The following CRYM variants were observed in gnomAD, a reference collection of about 807,000 sequenced individuals.
CRYM encodes the protein ketimine reductase mu-crystallin.
A neutral mutation model predicts 32.9 loss-of-function variants in CRYM; 18 were observed. The ratio of observed to expected loss-of-function variants is 0.55; its 90% CI spans 0.38 to 0.81. The LOEUF (loss-of-function observed/expected upper bound fraction) is 0.81. Ranked by LOEUF, CRYM falls within the 30% of genes least tolerant of loss-of-function variation. CRYM has a pLI of 0.00. For synonymous variants in CRYM, 153 were observed against 152.4 expected, an observed-to-expected ratio of 1.00 and a Z score of -0.03; for missense variants, 337 against 393.5, an observed-to-expected ratio of 0.86 and a Z score of 1.21.
chr16:21,267,440 A>AGCT, intron 5 of CRYM, 114 bp downstream of exon 5: 1 of 1,139,734 alleles, frequency 8.8e-7, no homozygotes, highest in Non-Finnish European at 1.3e-6. Context: ...AAGGCCCTTA[A>AGCT]ATAGCTTGGG....
intron 1 of CRYM, among the ~76,000 whole-genome samples, chr16:21,299,096 G>A (rs1039378363): frequency 2.6e-5 from 4 of 152,094 alleles, no homozygotes; most frequent in Admixed American, 1.3e-4. Context: ...TGTTTCACAC[G>A]TGAGGCTATT....
At chr16:21,281,262 AT>A (rs916081823), upstream of CRYM, among the ~76,000 whole-genome samples, 29 of 149,340 alleles carry the variant, frequency 1.9e-4, no homozygotes, top group African/African-American at 4.7e-4. Flanking sequence ...ATATATATAA[AT>A]TTTTTTTTTG....
chr16:21,282,972 AAG>A (rs72266993), upstream of CRYM, among the ~76,000 whole-genome samples: 2,422 of 152,230 alleles, frequency 0.016, 86 homozygotes, highest in East Asian at 0.078. Flanking sequence ...ACTTAACAGA[AAG>A]AAGATTAATA....
chr16:21,273,403 G>C (rs1203395765), intron 3 of CRYM, among the ~76,000 whole-genome samples: 1 of 152,182 alleles, frequency 6.6e-6, no homozygotes. Context: ...ACTTTGAAGT[G>C]TCTAAACTTT....
At chr16:21,287,691 C>T (rs2093409762) in intron 1 of CRYM, among the ~76,000 whole-genome samples, 1 of 152,226 alleles carries the variant, frequency 6.6e-6, no homozygotes, top group African/African-American at 2.4e-5. Context: ...ACAATGAGAT[C>T]TGGAGAGCTT....
chr16:21,272,336 C>T (rs932036130), intron 3 of CRYM, among the ~76,000 whole-genome samples: 1 of 152,138 alleles, frequency 6.6e-6, no homozygotes, highest in African/African-American at 2.4e-5. Flanking sequence ...TGGTCTGGCC[C>T]TCCTATCTCT....
chr16:21,278,212 C>A lies in CRYM; in HGVS notation c.40G>T (p.Glu14Ter), dbSNP rs865934033. The A allele has an allele frequency of 3.2e-6, 5 of 1,565,800 alleles. No individual in the cohort carries two copies. Among genetic ancestry groups the A allele is most frequent in the Non-Finnish European group, 3.5e-6 (4 of 1,157,284 alleles). ...VPAFLSAAEVEEHLRSSSLLI... is the reference protein window; with the variant it reads ...VPAFLSAAEV ...AGGCTGGAGCTGCGGAGGTGTTCCTCCACCTCGGCCGCGCTCAGGAACGCT... is the reference window on the plus strand; with the variant it reads ...AGGCTGGAGCTGCGGAGGTGTTCCTACACCTCGGCCGCGCTCAGGAACGCT... The change falls in exon 1 of 8, where the codon GAG becomes TAG. Residue 14 changes from glutamate (E) to a stop codon, truncating the protein, a stop_gained. Transcript: ENST00000572914. LOFTEE classifies it high-confidence loss of function.
intron 4 of CRYM, 63 bp from the exon 5 acceptor site, chr16:21,267,800 C>G: frequency 6.5e-7 from 1 of 1,547,874 alleles, no homozygotes. Context: ...TTACACTGAG[C>G]CCAGGGATGC....
chr16:21,294,213 C>T (rs143286457), intron 1 of CRYM, among the ~76,000 whole-genome samples: 1 of 152,330 alleles, frequency 6.6e-6, no homozygotes, highest in East Asian at 1.9e-4. Context: ...CACGCCCTTG[C>T]CCCTCTCCCT....
intron 1 of CRYM, among the ~76,000 whole-genome samples, chr16:21,292,244 G>C (rs1209444764): frequency 6.6e-6 from 1 of 152,062 alleles, no homozygotes. Flanking sequence ...AGGAGGACTA[G>C]AATGAAACAT....
intron 6 of CRYM, chr16:21,261,607 T>A (rs2093354625): frequency 1.8e-6 from 1 of 542,968 alleles, no homozygotes; most frequent in South Asian, 2.1e-5. Context: ...GATCATTGTG[T>A]CAGTGAGGAA....
At chr16:21,285,527 G>A (rs1272939155) in intron 1 of CRYM, among the ~76,000 whole-genome samples, 2 of 152,048 alleles carry the variant, frequency 1.3e-5, no homozygotes, top group Admixed American at 1.3e-4. Context: ...CTTTCCAAAG[G>A]GCTTTTTATC....
chr16:21,297,779 AT>A (rs1038901714), intron 1 of CRYM, among the ~76,000 whole-genome samples: 2 of 152,174 alleles, frequency 1.3e-5, no homozygotes, highest in African/African-American at 4.8e-5. Context: ...TATAGAACAT[AT>A]TGGTCCTCTC....
rs1254583833 is a variant in CRYM at position 21,277,708 on chromosome 16, G to T, written c.171-124C>A. ...CCCCACTGGCCCTCTTCCAGCCCCC[G>T]CATCCCTCTGCCCTTCCCTTAGACA... On this transcript the variant is annotated intron_variant, in intron 1 of 7. Transcript: ENST00000572914. The surrounding 1 kb of genome is among the most constrained non-coding windows in gnomAD (Gnocchi z 4.2). The T allele has an allele frequency of 2.9e-6, 3 of 1,036,240 alleles. No homozygotes were observed. Among genetic ancestry groups the T allele is most frequent in the African/African-American group, 1.6e-5 (1 of 63,532 alleles). 64.2% of individuals were successfully genotyped at this position (1,036,240 alleles called of 1,614,324 possible).
At chr16:21,260,362 C>T (rs2008035) in intron 7 of CRYM, among the ~76,000 whole-genome samples, 85,189 of 151,926 alleles carry the variant, frequency 0.56, 26,721 homozygotes, top group African/African-American at 0.85. Context: ...CTGGAGTGCA[C>T]GATGTCAGCT....
At chr16:21,272,726 T>C (rs1183041466) in intron 3 of CRYM, among the ~76,000 whole-genome samples, 1 of 150,752 alleles carries the variant, frequency 6.6e-6, no homozygotes, top group Non-Finnish European at 1.5e-5. Context: ...CTTGGCTCAC[T>C]GTAACCTCCG....
At position 21,275,668 on chromosome 16, in the gene CRYM, A is replaced by G. The variant is rs565716664; in HGVS notation, c.325-74T>C. The stretch of plus-strand genomic sequence containing the variant: ...ATAAATTAGAAGAAACAGTTCTAAA[A>G]TATTAGCTTAGGAAGTTTTATAGCA... On this transcript the variant is annotated intron_variant, in intron 2 of 7. Transcript: ENST00000572914. 10 of 1,256,974 alleles carry G rather than the reference A, an allele frequency of 8.0e-6. No homozygotes were observed. In the South Asian group the frequency reaches 1.2e-4, roughly 15 times the overall value. 77.9% of individuals were successfully genotyped at this position (1,256,974 alleles called of 1,614,324 possible).
chr16:21,264,694 T>C (rs2093360649), intron 5 of CRYM, among the ~76,000 whole-genome samples: 1 of 152,218 alleles, frequency 6.6e-6, no homozygotes, highest in African/African-American at 2.4e-5. Flanking sequence ...AGAGATGCCT[T>C]GACTCAAAAT....
intron 2 of CRYM, among the ~76,000 whole-genome samples, chr16:21,276,910 TAATA>T (rs750203562): frequency 1.3e-5 from 2 of 151,868 alleles, no homozygotes; most frequent in Non-Finnish European, 2.9e-5. Context: ...TTAAGAGGAT[TAATA>T]AATGTGAAAT....
Sources: allele counts gnomAD v4.1 joint callset (sites outside exome capture counted in the v4.1 genomes callset), GRCh38; gene constraint gnomAD v4.1.1; non-coding constraint Gnocchi (gnomAD v3.1); transcripts MANE v1.5; gene names NCBI Gene and HGNC (gene_info 2026-07-23, HGNC 2026-07-21).